TRIM31: variants seen among roughly 807,000 people sequenced by gnomAD.
The protein encoded by TRIM31 is tripartite motif containing 31, also known as E3 ubiquitin-protein ligase TRIM31.
Under a neutral mutation model 40.6 loss-of-function variants are expected in TRIM31, and 31 were observed. The ratio of observed to expected loss-of-function variants is 0.76; its 90% CI spans 0.57 to 1.03. The LOEUF (loss-of-function observed/expected upper bound fraction) is 1.03, where lower values mean the gene tolerates loss of function less well. Ranked by LOEUF, TRIM31 falls within the 50% of genes least tolerant of loss-of-function variation. The pLI is 0.00. For missense variants in TRIM31, 455 were observed against 497.5 expected (o/e 0.91, Z 0.81); for synonymous variants, 164 against 193.9 (o/e 0.85, Z 1.28).
chr6:30,111,630 G>C lies in TRIM31; in HGVS notation c.513+18C>G, dbSNP rs1769330432. The stretch of plus-strand genomic sequence containing the variant: ...GATGTTTCTGCTTCCAGAGATCGTG[G>C]GATGGAGTTTTTCTTACCGTGAAGA... On this transcript the variant is annotated intron_variant, in intron 3 of 8. Transcript: ENST00000376734. The C allele has an allele frequency of 1.2e-6, 2 of 1,610,674 alleles. No individual in the cohort carries two copies. Among genetic ancestry groups the C allele is most frequent in the Non-Finnish European group, 1.7e-6 (2 of 1,177,008 alleles).
rs369434155 is a variant in TRIM31, at chr6:30,105,483, G to A, written c.884-241C>T. On this transcript the variant is annotated intron_variant, in intron 6 of 8. Transcript: ENST00000376734. Reference sequence around the variant, plus strand: ...GAATGATGAATGTAATCTGAGTCACGAATGTGAGCCACTTATATATTTTTA... The same window carrying A: ...GAATGATGAATGTAATCTGAGTCACAAATGTGAGCCACTTATATATTTTTA... 182 of 336,936 alleles carry A rather than the reference G, an allele frequency of 5.4e-4. 13 individuals carry two copies. The highest frequency in any genetic ancestry group is 1.9e-3 in the East Asian group (42 of 22,372). The allele number at this position is 336,936 out of a possible 1,614,324, so 20.9% of individuals were successfully genotyped here.
In TRIM31 at chr6:30,103,372, CG is replaced by C; in HGVS notation, c.*163del. 2.1e-6 allele frequency: 2 copies of C among 959,926 alleles called. No homozygotes were observed. The highest frequency in any genetic ancestry group is 3.1e-6 in the Non-Finnish European group (2 of 640,084). 59.5% of individuals were successfully genotyped at this position (959,926 alleles called of 1,614,324 possible). The stretch of plus-strand genomic sequence containing the variant: ...CTCCAACTCTCTTCACCACCACCCC[CG>C]CCCCCATCTCCACTCTCAGTAGCCC... On this transcript the variant is annotated 3_prime_UTR_variant, in exon 9 of 9. Coordinates refer to ENST00000376734, the MANE Select transcript of TRIM31 (RefSeq NM_007028.5).
At chr6:30,111,300 C>T in intron 3 of TRIM31, 1 of 274,426 alleles carries the variant, frequency 3.6e-6, no homozygotes, top group Non-Finnish European at 6.8e-6. Context: ...TCCCAGAGTG[C>T]TGTGATTACT....
Position 30,103,797 on chromosome 6 carries a change from G to A in TRIM31, c.1025-8C>T. 6.2e-7 allele frequency: 1 copy of A among 1,612,762 alleles called. No individual in the cohort carries two copies. Among genetic ancestry groups the A allele is most frequent in the Non-Finnish European group, 8.5e-7 (1 of 1,179,934 alleles). On this transcript the variant is annotated splice_polypyrimidine_tract_variant and splice_region_variant and intron_variant, in intron 8 of 8. Coordinates refer to ENST00000376734, the MANE Select transcript of TRIM31 (RefSeq NM_007028.5). ...CCGATGTAGTTCTGCCGCCTTTGCGGGAGAAGGAAAGGAGAAAAGAGGTCA... is the reference window on the plus strand; with the variant it reads ...CCGATGTAGTTCTGCCGCCTTTGCGAGAGAAGGAAAGGAGAAAAGAGGTCA...
At chr6:30,106,070 C>T (rs2844795) in intron 6 of TRIM31, among the ~76,000 whole-genome samples, 92,491 of 152,086 alleles carry the variant, frequency 0.61, 28,590 homozygotes, top group Middle Eastern at 0.75. Context: ...AGCCCAGAAG[C>T]TGGGGACAAT....
intron 6 of TRIM31, among the ~76,000 whole-genome samples, chr6:30,105,999 G>A (rs7767188): frequency 0.19 from 29,433 of 152,218 alleles, 3,100 homozygotes; most frequent in East Asian, 0.32. Flanking sequence ...AGGGGAGGCC[G>A]AGTGCCTTCA....
intron 4 of TRIM31, among the ~76,000 whole-genome samples, chr6:30,109,664 T>G (rs1769094809): frequency 6.6e-6 from 1 of 152,118 alleles, no homozygotes; most frequent in Non-Finnish European, 1.5e-5. Flanking sequence ...GCAGATCACT[T>G]GAGGTCAGGA....
chr6:30,103,437 TAAGTC>T lies in TRIM31; in HGVS notation c.*94_*98del. On this transcript the variant is annotated 3_prime_UTR_variant, in exon 9 of 9. Transcript: ENST00000376734. The stretch of plus-strand genomic sequence containing the variant: ...CTCCACTCCTTCGACCCAATTCCAC[TAAGTC>T]AAGAACCGTGGTCGGTCTCAGCCAC... 7.1e-7 allele frequency: 1 copy of T among 1,403,672 alleles called. No homozygotes were observed. The highest frequency in any genetic ancestry group is 1.2e-5 in the South Asian group (1 of 80,374). The allele number at this position is 1,403,672 out of a possible 1,614,324, so 87.0% of individuals were successfully genotyped here.
Position 30,108,323 on chromosome 6 carries a change from C to T in TRIM31, c.768-155G>A, listed in dbSNP as rs1029549649. 1.6e-4 allele frequency: 100 copies of T among 607,080 alleles called. 1 individual carries two copies. In the South Asian group the frequency reaches 1.9e-3, roughly 11 times the overall value. The allele number at this position is 607,080 out of a possible 1,614,324, so 37.6% of individuals were successfully genotyped here. ...CCTGTAATCCCAGCACTTTGGGAGG[C>T]TGAGGCGGGTGGATCACCTGAGGTC... is the stretch of plus-strand genomic sequence containing the variant. On this transcript the variant is annotated intron_variant, in intron 5 of 8. Coordinates refer to ENST00000376734, the MANE Select transcript of TRIM31 (RefSeq NM_007028.5).
At chr6:30,105,043 C>T in intron 7 of TRIM31, 125 bp downstream of exon 7, 1 of 822,842 alleles carries the variant, frequency 1.2e-6, no homozygotes, top group African/African-American at 1.7e-5. Flanking sequence ...TGCCTGTTCT[C>T]TCAATTGGCT....
At chr6:30,110,721 A>G (rs770753606) in intron 3 of TRIM31, 43 bp from the exon 4 acceptor site, 1 of 1,571,734 alleles carries the variant, frequency 6.4e-7, no homozygotes, top group South Asian at 1.1e-5. Flanking sequence ...ATGGCCTCGA[A>G]GGTCCTTCTA....
rs777925051 is a variant in TRIM31 at position 30,111,656 on chromosome 6, CA to C, written c.504del (p.Asp168GlufsTer7). 2.0e-5 allele frequency: 32 copies of C among 1,614,044 alleles called. No individual in the cohort carries two copies. The Admixed American group carries it at 3.3e-4, about 17-fold the overall frequency. On this transcript the variant is annotated frameshift_variant, in exon 3 of 9. Coordinates refer to ENST00000376734, the MANE Select transcript of TRIM31 (RefSeq NM_007028.5). LOFTEE classifies it high-confidence loss of function. ...QVKAQGVHRVDVFTDQVEHEK... is the reference protein window; with the variant it reads ...QVKAQGVHRVXVFTDQVEHEK... Reference sequence around the variant, plus strand: ...GATGGAGTTTTTCTTACCGTGAAGACATCGACCCTGTGTACACCTTGTGCCT... The same window carrying C: ...GATGGAGTTTTTCTTACCGTGAAGACTCGACCCTGTGTACACCTTGTGCCT...
In TRIM31 at chr6:30,112,601, A is replaced by T; in HGVS notation, c.205T>A (p.Ser69Thr). 1 of 1,613,104 alleles carries T rather than the reference A, an allele frequency of 6.2e-7. No homozygotes were observed. The highest frequency in any genetic ancestry group is 8.5e-7 in the Non-Finnish European group (1 of 1,180,044). Residue 69 changes from serine to threonine, a missense_variant, in exon 2 of 9, where the codon TCG becomes ACG. By Grantham distance (58) the Ser-to-Thr change is moderately conservative. Coordinates refer to ENST00000376734, the MANE Select transcript of TRIM31 (RefSeq NM_007028.5). ...TTCTCCACCAGATTCCGCAACAGCG[A>T]GTTGAACCTGATTGCGTTCTTCCTT... ...SVRKNAIRFN[S>T]LLRNLVEKIQ...
In TRIM31 at chr6:30,107,032, G is replaced by A. The variant is rs375326879; in HGVS notation, c.883+1021C>T. Among the ~76,000 whole-genome samples the A allele has an allele frequency of 3.6e-4, 55 of 152,182 alleles. 5 individuals are homozygous for A. Among genetic ancestry groups the A allele is most frequent in the East Asian group, 3.3e-3 (17 of 5,180 alleles). On this transcript the variant is annotated intron_variant, in intron 6 of 8. Coordinates refer to ENST00000376734, the MANE Select transcript of TRIM31 (RefSeq NM_007028.5). ...GGAGAATCGCTTGAAACCAGAAGGCGGAGGTTGCAGTGAGCCGAGATTGCG... is the reference window on the plus strand; with the variant it reads ...GGAGAATCGCTTGAAACCAGAAGGCAGAGGTTGCAGTGAGCCGAGATTGCG...
intron 6 of TRIM31, among the ~76,000 whole-genome samples, chr6:30,106,797 G>A (rs1768755464): frequency 1.3e-5 from 2 of 152,152 alleles, no homozygotes; most frequent in East Asian, 3.9e-4. Context: ...TTGACCTGAA[G>A]AGCCTAGAAA....
intron 3 of TRIM31, chr6:30,111,431 C>G (rs1769303325): frequency 1.8e-6 from 1 of 548,084 alleles, no homozygotes; most frequent in Admixed American, 3.5e-5. Flanking sequence ...TTTTCCGTGC[C>G]CCACCTTGTC....
intron 4 of TRIM31, among the ~76,000 whole-genome samples, chr6:30,109,423 G>C (rs1769072567): frequency 6.6e-6 from 1 of 152,140 alleles, no homozygotes; most frequent in Non-Finnish European, 1.5e-5. Context: ...TGGGAGAATA[G>C]ATGACTTGAG....
At chr6:30,105,325 T>C (rs1421449323) in intron 6 of TRIM31, 83 bp from the exon 7 acceptor site, 2 of 1,043,482 alleles carry the variant, frequency 1.9e-6, no homozygotes, top group Non-Finnish European at 2.9e-6. Context: ...AAGGCACTAA[T>C]TTGAAATGCC....
Position 30,112,442 on chromosome 6 carries a change from C to T in TRIM31, c.364G>A (p.Asp122Asn), listed in dbSNP as rs531172172. The T allele has an allele frequency of 1.1e-5, 18 of 1,613,082 alleles. No homozygotes were observed. Among genetic ancestry groups the T allele is most frequent in the African/African-American group, 8.0e-5 (6 of 75,052 alleles). ...AAGCTGACATTATGGGATTTGTGGTCCTTGGATTCACGACACACAAAACAG... is the reference window on the plus strand; with the variant it reads ...AAGCTGACATTATGGGATTTGTGGTTCTTGGATTCACGACACACAAAACAG... ...FLCFVCRESK[D>N]HKSHNVSLIE... The change falls in exon 2 of 9, where the codon GAC becomes AAC. Residue 122 changes from aspartate (D) to asparagine (N), a missense_variant. Asp to Asn is a conservative substitution (Grantham distance 23, BLOSUM62 1). Transcript: ENST00000376734.
Sources: gnomAD v4.1 joint callset for allele counts (sites outside exome capture counted in the v4.1 genomes callset) on GRCh38, gnomAD v4.1.1 for gene constraint, MANE v1.5 for transcripts, NCBI Gene and HGNC (gene_info 2026-07-23, HGNC 2026-07-21) for gene names.